The following CDH13 variants were observed in gnomAD, a reference collection of about 807,000 sequenced individuals.
CDH13 encodes the protein cadherin-13.
CDH13 carries 24 observed loss-of-function variants against 63.8 expected under a neutral mutation model. The observed-to-expected ratio is 0.38, with a 90% confidence interval of 0.27 to 0.53. CDH13 has a LOEUF of 0.53. Among genes scored for constraint, CDH13 ranks in the 20% least tolerant of loss-of-function variants. The pLI, the probability that CDH13 is intolerant of heterozygous loss-of-function variation, is 0.85. For missense variants in CDH13, 1,049 were observed against 903.1 expected (o/e 1.16, Z -2.07); for synonymous variants, 503 against 355.3 (o/e 1.42, Z -4.67).
intron 3 of CDH13, among the ~76,000 whole-genome samples, chr16:83,115,795 G>A (rs2035265547): frequency 1.3e-5 from 2 of 152,238 alleles, no homozygotes; most frequent in Admixed American, 6.5e-5. Flanking sequence ...GATGATAGAG[G>A]TTTGTGGTTT....
At chr16:83,608,427 G>T (rs1367269760) in intron 8 of CDH13, among the ~76,000 whole-genome samples, 1 of 152,134 alleles carries the variant, frequency 6.6e-6, no homozygotes, top group Non-Finnish European at 1.5e-5. Flanking sequence ...AAGTCAGTGT[G>T]GAGTCCTGAA....
intron 1 of CDH13, among the ~76,000 whole-genome samples, chr16:82,668,506 G>C (rs1912870891): frequency 6.6e-6 from 1 of 152,160 alleles, no homozygotes; most frequent in Admixed American, 6.5e-5. Flanking sequence ...AAAACCATTA[G>C]GGCAATGTTT....
chr16:82,983,353 C>T (rs1028804704), intron 2 of CDH13, among the ~76,000 whole-genome samples: 1 of 152,140 alleles, frequency 6.6e-6, no homozygotes, highest in Non-Finnish European at 1.5e-5. Context: ...GCTGTTTCCC[C>T]TAATATAATA....
At chr16:83,565,212 C>T (rs1488409584) in intron 7 of CDH13, among the ~76,000 whole-genome samples, 2 of 152,002 alleles carry the variant, frequency 1.3e-5, no homozygotes, top group African/African-American at 2.4e-5. Context: ...GCTTACTTCT[C>T]GGTTTCTGGC....
At chr16:82,839,205 A>T (rs62035167) in intron 1 of CDH13, among the ~76,000 whole-genome samples, 3,584 of 152,244 alleles carry the variant, frequency 0.024, 61 homozygotes, top group Non-Finnish European at 0.034. Context: ...ATTGGGGGTT[A>T]CAGTTCTTCT....
intron 1 of CDH13, among the ~76,000 whole-genome samples, chr16:82,777,742 C>A (rs936539299): frequency 1.3e-5 from 2 of 152,168 alleles, no homozygotes; most frequent in African/African-American, 4.8e-5. Flanking sequence ...TAAGACTTGA[C>A]TGGGCATGGG....
chr16:83,628,861 C>G (rs760969880), intron 8 of CDH13, among the ~76,000 whole-genome samples: 17 of 152,162 alleles, frequency 1.1e-4, no homozygotes, highest in Admixed American at 9.2e-4. Context: ...GGGTTTTAAA[C>G]TTACCTATTT....
chr16:82,755,471 C>T (rs774353382), intron 1 of CDH13, among the ~76,000 whole-genome samples: 75 of 152,204 alleles, frequency 4.9e-4, no homozygotes, highest in Non-Finnish European at 9.1e-4. Flanking sequence ...CAAATAATAG[C>T]TTTTCTTGTA....
chr16:82,679,774 G>C (rs1464699472), intron 1 of CDH13, among the ~76,000 whole-genome samples: 4 of 152,202 alleles, frequency 2.6e-5, no homozygotes, highest in African/African-American at 9.6e-5. Context: ...TGTTACCTGT[G>C]TAACTGAACA....
At chr16:83,018,976 G>C (rs1208460064) in intron 2 of CDH13, among the ~76,000 whole-genome samples, 1 of 152,196 alleles carries the variant, frequency 6.6e-6, no homozygotes, top group Non-Finnish European at 1.5e-5. Context: ...TGAGTGAGTG[G>C]TGAGTGAATG....
intron 9 of CDH13, among the ~76,000 whole-genome samples, chr16:83,675,072 C>G (rs1010622637): frequency 6.6e-6 from 1 of 152,186 alleles, no homozygotes; most frequent in Non-Finnish European, 1.5e-5. Context: ...TCTCTTGTCA[C>G]TTGAAAAAAT....
At chr16:83,690,861 A>G (rs955456232) in intron 10 of CDH13, among the ~76,000 whole-genome samples, 1 of 152,080 alleles carries the variant, frequency 6.6e-6, no homozygotes, top group Non-Finnish European at 1.5e-5. Context: ...AGCTGGGATT[A>G]CAGGCATGCA....
intron 1 of CDH13, among the ~76,000 whole-genome samples, chr16:82,802,026 G>C (rs934789887): frequency 6.6e-6 from 1 of 152,182 alleles, no homozygotes; most frequent in Non-Finnish European, 1.5e-5. Context: ...GCTCAGTTCC[G>C]TTGAGGATCT....
intron 11 of CDH13, among the ~76,000 whole-genome samples, chr16:83,756,566 A>T (rs71404110): frequency 0.16 from 24,852 of 152,214 alleles, 2,469 homozygotes; most frequent in Middle Eastern, 0.26. Context: ...CGCTTTTTTT[A>T]TAGCTCTTCA....
intron 1 of CDH13, among the ~76,000 whole-genome samples, chr16:82,850,993 T>C (rs1567599598): frequency 6.6e-6 from 1 of 152,240 alleles, no homozygotes; most frequent in South Asian, 2.1e-4. Flanking sequence ...ATTGTAATAT[T>C]TGTTTTATTG....
chr16:83,269,234 A>C (rs974047156), intron 5 of CDH13, among the ~76,000 whole-genome samples: 10 of 152,200 alleles, frequency 6.6e-5, no homozygotes, highest in African/African-American at 2.4e-4. Flanking sequence ...AACTCACCAG[A>C]TGACTGTTGT....
intron 10 of CDH13, among the ~76,000 whole-genome samples, chr16:83,688,107 T>C (rs1358614054): frequency 6.6e-6 from 1 of 152,238 alleles, no homozygotes; most frequent in Non-Finnish European, 1.5e-5. Flanking sequence ...TTTCCATTTT[T>C]ACTGGTCTTC....
chr16:83,400,122 GT>G lies in CDH13; in HGVS notation c.781+55127del, dbSNP rs35354268. 7.7e-3 allele frequency among the ~76,000 whole-genome samples: 1,134 copies of G among 147,158 alleles called. 14 individuals carry two copies. The highest frequency in any genetic ancestry group is 0.02 in the African/African-American group (807 of 40,208). ...GCTGAGGCCTAGATAATTCTGATGG[GT>G]TTTTTTTTTTCTTTTTTGGAAAGGA... On this transcript the variant is annotated intron_variant, in intron 6 of 13. Transcript: ENST00000567109.
intron 7 of CDH13, among the ~76,000 whole-genome samples, chr16:83,506,366 C>G (rs904248918): frequency 6.6e-6 from 1 of 152,192 alleles, no homozygotes; most frequent in Non-Finnish European, 1.5e-5. Flanking sequence ...GACTCCTGCA[C>G]TCAAATCCCA....
Sources: allele counts gnomAD v4.1 joint callset (sites outside exome capture counted in the v4.1 genomes callset), GRCh38; gene constraint gnomAD v4.1.1; transcripts MANE v1.5; gene names NCBI Gene and HGNC (gene_info 2026-07-23, HGNC 2026-07-21).